The following SCHIP1 variants were observed in gnomAD, a reference collection of about 807,000 sequenced individuals.
SCHIP1 encodes the protein schwannomin interacting protein 1.
SCHIP1 carries 8 observed loss-of-function variants against 29.7 expected under a neutral mutation model. The observed-to-expected ratio is 0.27, with a 90% CI of 0.16 to 0.49. SCHIP1 has a LOEUF of 0.49. Ranked by LOEUF, SCHIP1 falls within the 20% of genes least tolerant of loss-of-function variation. The probability of loss-of-function intolerance (pLI) is 0.99; values close to 1 mark genes in which losing one functional copy is unlikely to be tolerated. For synonymous variants in SCHIP1, 76 were observed against 94.9 expected (o/e 0.80, Z 1.16); for missense variants, 193 against 294.6 (o/e 0.66, Z 2.52).
the SCHIP1 span, among the ~76,000 whole-genome samples, chr3:159,736,854 T>C: frequency 6.6e-5 from 10 of 151,842 alleles, no homozygotes; most frequent in East Asian, 3.9e-4. Context: ...CCTGCCTCAG[T>C]CTCCTGAGTA....
chr3:159,802,333 T>C, the SCHIP1 span, among the ~76,000 whole-genome samples: 1 of 152,232 alleles, frequency 6.6e-6, no homozygotes, highest in Admixed American at 6.5e-5. Context: ...GCTCCTGATC[T>C]CCTGGAGTGC....
At chr3:159,297,197 C>G in the SCHIP1 span, among the ~76,000 whole-genome samples, 2 of 148,884 alleles carry the variant, frequency 1.3e-5, no homozygotes, top group African/African-American at 4.9e-5. Context: ...ATCCATTTAT[C>G]CATTGATGGA....
the SCHIP1 span, among the ~76,000 whole-genome samples, chr3:159,810,464 C>T: frequency 2.1e-3 from 323 of 152,324 alleles, 1 homozygote; most frequent in African/African-American, 7.4e-3. Context: ...TGCTCATTGG[C>T]AGTCTATCCT....
chr3:159,730,291 G>C, the SCHIP1 span, among the ~76,000 whole-genome samples: 2 of 152,128 alleles, frequency 1.3e-5, no homozygotes, highest in Non-Finnish European at 2.9e-5. Flanking sequence ...TAACCTCTGC[G>C]CCTTAGTCTT....
At chr3:159,376,808 T>C in the SCHIP1 span, among the ~76,000 whole-genome samples, 2 of 152,166 alleles carry the variant, frequency 1.3e-5, no homozygotes, top group East Asian at 1.9e-4. Flanking sequence ...ACACCCCTAC[T>C]TCTCCATCAG....
At chr3:159,524,107 A>G in the SCHIP1 span, among the ~76,000 whole-genome samples, 4 of 152,168 alleles carry the variant, frequency 2.6e-5, no homozygotes, top group African/African-American at 9.7e-5. Context: ...ACCCTCATCA[A>G]TTAACTCTTA....
At chr3:159,448,515 G>A in the SCHIP1 span, among the ~76,000 whole-genome samples, 1 of 152,060 alleles carries the variant, frequency 6.6e-6, no homozygotes, top group Non-Finnish European at 1.5e-5. Context: ...GAATTGTGGG[G>A]AGTGGGTTGG....
chr3:159,809,923 G>T, the SCHIP1 span, among the ~76,000 whole-genome samples: 2 of 152,150 alleles, frequency 1.3e-5, no homozygotes, highest in Non-Finnish European at 2.9e-5. Context: ...GAGCCCAGGA[G>T]GCATAGGTTG....
chr3:159,619,412 T>TG, the SCHIP1 span, among the ~76,000 whole-genome samples: 1 of 152,190 alleles, frequency 6.6e-6, no homozygotes, highest in Non-Finnish European at 1.5e-5. Context: ...CCATTGCCAT[T>TG]GGTTCCCCCT....
the SCHIP1 span, among the ~76,000 whole-genome samples, chr3:159,579,584 A>G: frequency 6.6e-6 from 1 of 152,246 alleles, no homozygotes; most frequent in Non-Finnish European, 1.5e-5. Flanking sequence ...GACAAAAAAT[A>G]TCACCTGGGT....
chr3:159,624,912 A>AT, the SCHIP1 span, among the ~76,000 whole-genome samples: 2 of 152,292 alleles, frequency 1.3e-5, no homozygotes, highest in East Asian at 3.9e-4. Context: ...TGCAAGGTTT[A>AT]TACCCTCTAA....
the SCHIP1 span, among the ~76,000 whole-genome samples, chr3:159,608,213 A>C: frequency 6.6e-6 from 1 of 152,188 alleles, no homozygotes; most frequent in South Asian, 2.1e-4. Context: ...TCAGTGATTC[A>C]ACTTGCTAAC....
At chr3:159,562,410 C>G in the SCHIP1 span, among the ~76,000 whole-genome samples, 1 of 152,168 alleles carries the variant, frequency 6.6e-6, no homozygotes, top group African/African-American at 2.4e-5. Context: ...AAGGAGGCAG[C>G]CTCGAGAACT....
chr3:159,363,836 T>G, the SCHIP1 span, among the ~76,000 whole-genome samples: 60 of 152,308 alleles, frequency 3.9e-4, no homozygotes, highest in African/African-American at 1.2e-3. Flanking sequence ...AAAAGGATAC[T>G]TTTTGATAAT....
chr3:159,727,477 T>G, the SCHIP1 span, among the ~76,000 whole-genome samples: 3 of 152,190 alleles, frequency 2.0e-5, no homozygotes, highest in Non-Finnish European at 4.4e-5. Flanking sequence ...CTGAATAAAT[T>G]CCCACCCTAA....
the SCHIP1 span, among the ~76,000 whole-genome samples, chr3:159,329,620 C>T: frequency 6.6e-6 from 1 of 152,156 alleles, no homozygotes; most frequent in Non-Finnish European, 1.5e-5. Flanking sequence ...GTTAGATTTC[C>T]TATTTATCGA....
At chr3:159,497,421 A>G in the SCHIP1 span, among the ~76,000 whole-genome samples, 1 of 151,912 alleles carries the variant, frequency 6.6e-6, no homozygotes, top group African/African-American at 2.4e-5. Context: ...AGATGTGTCT[A>G]TGCCACGCCT....
the SCHIP1 span, among the ~76,000 whole-genome samples, chr3:159,289,847 A>C: frequency 1.3e-5 from 2 of 152,236 alleles, no homozygotes; most frequent in Non-Finnish European, 2.9e-5. Flanking sequence ...GTGGTGGCAC[A>C]TTTCAACGTT....
At chr3:159,799,596 A>G in the SCHIP1 span, among the ~76,000 whole-genome samples, 7 of 152,216 alleles carry the variant, frequency 4.6e-5, no homozygotes, top group African/African-American at 1.7e-4. Flanking sequence ...TAATAAGGGA[A>G]TATGTGTAAG....
Sources: gnomAD v4.1 joint callset for allele counts (sites outside exome capture counted in the v4.1 genomes callset) on GRCh38, gnomAD v4.1.1 for gene constraint, MANE v1.5 for transcripts, NCBI Gene and HGNC (gene_info 2026-07-23, HGNC 2026-07-21) for gene names.